ZNF346: variants seen among roughly 807,000 people sequenced by gnomAD.
ZNF346 encodes zinc finger protein 346, also known as double-stranded RNA-binding zinc finger protein JAZ.
Under a neutral mutation model 33.7 loss-of-function variants are expected in ZNF346, and 23 were observed. That is an observed-to-expected ratio of 0.68 (90% confidence interval 0.49 to 0.97). ZNF346 has a LOEUF of 0.97. Among genes scored for constraint, ZNF346 ranks in the 50% least tolerant of loss-of-function variants. ZNF346 has a pLI of 0.00. For synonymous variants in ZNF346, 134 were observed against 142.4 expected (o/e 0.94, Z 0.42); for missense variants, 340 against 371.1 (o/e 0.92, Z 0.69).
Position 177,066,737 on chromosome 5 carries a change from C to CT in ZNF346, c.*2139dup, listed in dbSNP as rs1451785952. 6.7e-6 allele frequency among the ~76,000 whole-genome samples: 1 copy of CT among 150,220 alleles called. No individual in the cohort carries two copies. Among genetic ancestry groups the CT allele is most frequent in the Non-Finnish European group, 1.5e-5 (1 of 67,678 alleles). ...CCAGCCAGGGCAACATAACAAGACT[C>CT]TATCTAAAAAAAAAAAAAAATTATA... On this transcript the variant is annotated 3_prime_UTR_variant, in exon 7 of 7. Transcript: ENST00000358149.
At chr5:177,030,906 ATTTTTTTTTTTT>A (rs760757696) in intron 1 of ZNF346, among the ~76,000 whole-genome samples, 2 of 103,530 alleles carry the variant, frequency 1.9e-5, no homozygotes, top group Non-Finnish European at 4.1e-5. Flanking sequence ...GCTTAGTGTA[ATTTTTTTTTTTT>A]TTTTTTTTGG....
rs1335570534 is a variant in ZNF346, at chr5:177,065,576, GGAAA to G, written c.*984_*987del. The G allele has an allele frequency of 6.6e-6, 1 of 152,612 alleles. No homozygotes were observed. The highest frequency in any genetic ancestry group is 2.4e-5 in the African/African-American group (1 of 41,424). The allele number at this position is 152,612 out of a possible 1,614,324, so 9.5% of individuals were successfully genotyped here. ...CCACCGGGTGATTTCTGGGTCCCAG[GGAAA>G]GAAAGAGAGAGCTGATGCAGGTTTC... On this transcript the variant is annotated 3_prime_UTR_variant, in exon 7 of 7. Coordinates refer to ENST00000358149, the MANE Select transcript of ZNF346 (RefSeq NM_012279.4).
chr5:177,054,038 A>G (rs907849052), intron 5 of ZNF346, among the ~76,000 whole-genome samples: 17 of 151,996 alleles, frequency 1.1e-4, no homozygotes, highest in African/African-American at 4.1e-4. Context: ...CAGAATAGCC[A>G]GCACTTTAAA....
At chr5:177,033,353 C>T (rs1234553618) in intron 1 of ZNF346, among the ~76,000 whole-genome samples, 1 of 152,204 alleles carries the variant, frequency 6.6e-6, no homozygotes, top group Non-Finnish European at 1.5e-5. Flanking sequence ...TGTCAGATTA[C>T]AGGCGTGGGC....
At chr5:177,024,108 CATAA>C (rs1561954113) in intron 1 of ZNF346, among the ~76,000 whole-genome samples, 2 of 141,912 alleles carry the variant, frequency 1.4e-5, no homozygotes, top group African/African-American at 2.7e-5. Context: ...TATATACACA[CATAA>C]ATCTGTATAT....
downstream of ZNF346, among the ~76,000 whole-genome samples, chr5:177,068,675 A>G (rs1019144447): frequency 7.0e-6 from 1 of 143,204 alleles, no homozygotes; most frequent in African/African-American, 3.0e-5. Flanking sequence ...GGCCTGGGTC[A>G]TGTGCCTAAA....
chr5:177,057,653 G>T (rs1005607040), intron 5 of ZNF346, among the ~76,000 whole-genome samples: 1 of 151,294 alleles, frequency 6.6e-6, no homozygotes, highest in Non-Finnish European at 1.5e-5. Flanking sequence ...CAGGAGAATC[G>T]CTTGAGCCTG....
intron 5 of ZNF346, among the ~76,000 whole-genome samples, chr5:177,057,338 C>CT (rs1242831808): frequency 8.8e-6 from 1 of 113,616 alleles, no homozygotes; most frequent in African/African-American, 3.4e-5. Context: ...AGTTTTTTCT[C>CT]TTTTTTTGGT....
intron 1 of ZNF346, among the ~76,000 whole-genome samples, chr5:177,039,705 T>C (rs1339093131): frequency 6.6e-6 from 1 of 152,174 alleles, no homozygotes; most frequent in East Asian, 1.9e-4. Context: ...CTCAAACTCC[T>C]GGGCTCAACC....
At chr5:177,025,349 G>A (rs1053896111) in intron 1 of ZNF346, among the ~76,000 whole-genome samples, 3 of 152,136 alleles carry the variant, frequency 2.0e-5, no homozygotes, top group Admixed American at 6.5e-5. Context: ...GAGTTTTTGT[G>A]AATAGTGCTG....
intron 8 of ZNF346, among the ~76,000 whole-genome samples, chr5:177,073,705 C>G (rs981400034): frequency 3.4e-4 from 52 of 151,572 alleles, no homozygotes. Context: ...CTAGAAGAGG[C>G]GAGTTGTGGA....
chr5:177,028,352 T>A (rs756186865), intron 1 of ZNF346, among the ~76,000 whole-genome samples: 1 of 151,220 alleles, frequency 6.6e-6, no homozygotes, highest in Non-Finnish European at 1.5e-5. Context: ...TCTTGGTTAG[T>A]CTAGCTAAGA....
intron 5 of ZNF346, among the ~76,000 whole-genome samples, chr5:177,059,775 C>T (rs1317826078): frequency 6.6e-6 from 1 of 152,180 alleles, no homozygotes. Context: ...ATTTATTGGA[C>T]TTTTACCTAA....
chr5:177,031,273 A>T (rs1272515567), intron 1 of ZNF346, among the ~76,000 whole-genome samples: 1 of 152,074 alleles, frequency 6.6e-6, no homozygotes, highest in Non-Finnish European at 1.5e-5. Context: ...ACCTCAGGTG[A>T]TCTGCCGCCT....
intron 8 of ZNF346, among the ~76,000 whole-genome samples, chr5:177,075,716 C>G (rs1398498927): frequency 1.3e-5 from 2 of 150,910 alleles, no homozygotes; most frequent in African/African-American, 4.9e-5. Context: ...GACAGAGTTT[C>G]TCTCTTGTCG....
chr5:177,031,075 G>C (rs1024210044), intron 1 of ZNF346, among the ~76,000 whole-genome samples: 5 of 151,832 alleles, frequency 3.3e-5, no homozygotes, highest in Non-Finnish European at 7.4e-5. Context: ...TCGCTCTGTC[G>C]CCCAGGCTGG....
chr5:177,052,552 G>T (rs1781101167), intron 5 of ZNF346: 1 of 152,032 alleles, frequency 6.6e-6, no homozygotes, highest in Non-Finnish European at 1.5e-5. Flanking sequence ...TTGGGCCAAG[G>T]ACCCTTAGCG....
rs151183135 is a variant in ZNF346 at position 177,064,601 on chromosome 5, G to C, written c.*2G>C. On this transcript the variant is annotated 3_prime_UTR_variant, in exon 7 of 7. Coordinates refer to ENST00000358149, the MANE Select transcript of ZNF346 (RefSeq NM_012279.4). Reference sequence around the variant, plus strand: ...GACTCAACCACCTTGGAAGACTAGAGGTGATTCTGCCCAGCATCCCATATT... The same window carrying C: ...GACTCAACCACCTTGGAAGACTAGACGTGATTCTGCCCAGCATCCCATATT... The C allele has an allele frequency of 6.2e-6, 10 of 1,613,310 alleles. No homozygotes were observed. The African/African-American group carries it at 6.7e-5, about 11-fold the overall frequency.
At chr5:177,076,430 T>C (rs2149721261) in intron 8 of ZNF346, among the ~76,000 whole-genome samples, 1 of 152,338 alleles carries the variant, frequency 6.6e-6, no homozygotes. Context: ...AAGTCTAGTT[T>C]AGCAAGAACT....
Sources: allele counts gnomAD v4.1 joint callset (sites outside exome capture counted in the v4.1 genomes callset), GRCh38; gene constraint gnomAD v4.1.1; transcripts MANE v1.5; gene names NCBI Gene and HGNC (gene_info 2026-07-23, HGNC 2026-07-21).